Variants in UST observed in about 807,000 individuals in gnomAD.
UST encodes the protein chondroitin sulfate 2-O-sulfotransferase.
Under a neutral mutation model 45.6 loss-of-function variants are expected in UST, and 21 were observed. The ratio of observed to expected loss-of-function variants is 0.46; its 90% CI spans 0.33 to 0.66. UST has a LOEUF of 0.66. Ranked by LOEUF, UST falls within the 30% of genes least tolerant of loss-of-function variation. UST has a pLI of 0.02. For synonymous variants in UST, 215 were observed against 200.6 expected (o/e 1.07, Z -0.61); for missense variants, 463 against 512.4 (o/e 0.90, Z 0.93).
chr6:149,014,656 C>CAGAAGA (rs1328804636), intron 5 of UST, among the ~76,000 whole-genome samples: 3 of 152,172 alleles, frequency 2.0e-5, no homozygotes, highest in Admixed American at 6.5e-5. Context: ...CTCTCCCCGC[C>CAGAAGA]AGAAACCTGG....
At chr6:148,791,145 G>A (rs1013552809) in intron 1 of UST, among the ~76,000 whole-genome samples, 1 of 152,220 alleles carries the variant, frequency 6.6e-6, no homozygotes, top group Admixed American at 6.5e-5. Flanking sequence ...ATTTGGCATT[G>A]CCTGGGGACT....
intron 1 of UST, among the ~76,000 whole-genome samples, chr6:148,820,962 T>TA (rs1777451043): frequency 6.9e-6 from 1 of 144,052 alleles, no homozygotes; most frequent in East Asian, 2.2e-4. Flanking sequence ...TATTTTTTTT[T>TA]AATTCCTTTT....
intron 5 of UST, among the ~76,000 whole-genome samples, chr6:149,012,131 A>T (rs1406518429): frequency 1.3e-5 from 2 of 152,214 alleles, no homozygotes; most frequent in Non-Finnish European, 2.9e-5. Flanking sequence ...TGCTTCCTGG[A>T]TGGCTGTATT....
intron 1 of UST, among the ~76,000 whole-genome samples, chr6:148,749,889 G>GAATA (rs1297195237): frequency 1.3e-5 from 2 of 152,160 alleles, no homozygotes; most frequent in Non-Finnish European, 2.9e-5. Context: ...ACTGAAAATA[G>GAATA]AATACCCTTG....
chr6:148,956,224 T>G (rs1780496985), intron 4 of UST: 1 of 153,288 alleles, frequency 6.5e-6, no homozygotes, highest in African/African-American at 2.4e-5. Flanking sequence ...AGGAAAGGCC[T>G]TCTGAGAGAA....
intron 1 of UST, among the ~76,000 whole-genome samples, chr6:148,778,676 A>T (rs1337983737): frequency 6.6e-6 from 1 of 152,196 alleles, no homozygotes; most frequent in East Asian, 1.9e-4. Context: ...TTGGAGGCTC[A>T]CAGATCTGAG....
At chr6:148,982,419 C>G (rs1406262479) in intron 5 of UST, among the ~76,000 whole-genome samples, 3 of 152,112 alleles carry the variant, frequency 2.0e-5, no homozygotes, top group Non-Finnish European at 4.4e-5. Flanking sequence ...TTTTGTAAGG[C>G]CACCTAGTCC....
intron 1 of UST, among the ~76,000 whole-genome samples, chr6:148,812,554 A>T (rs996416853): frequency 1.3e-5 from 2 of 152,292 alleles, no homozygotes; most frequent in East Asian, 3.9e-4. Flanking sequence ...CTGCAGTCTC[A>T]TCTGAGGGCT....
chr6:148,998,638 T>C (rs1286275572), intron 5 of UST, among the ~76,000 whole-genome samples: 1 of 152,204 alleles, frequency 6.6e-6, no homozygotes, highest in African/African-American at 2.4e-5. Flanking sequence ...CTCTCCATTT[T>C]CTGTGTGGCT....
At chr6:148,799,212 T>G (rs1223861244) in intron 1 of UST, among the ~76,000 whole-genome samples, 1 of 152,068 alleles carries the variant, frequency 6.6e-6, no homozygotes, top group Non-Finnish European at 1.5e-5. Flanking sequence ...TTACGTAGGT[T>G]TGGATAATAG....
chr6:148,777,847 C>T (rs190564175), intron 1 of UST, among the ~76,000 whole-genome samples: 1 of 152,238 alleles, frequency 6.6e-6, no homozygotes, highest in Non-Finnish European at 1.5e-5. Context: ...AGCCACCACA[C>T]CTGGCCTAGG....
intron 1 of UST, among the ~76,000 whole-genome samples, chr6:148,814,159 C>T (rs1275480606): frequency 6.6e-6 from 1 of 152,168 alleles, no homozygotes; most frequent in Non-Finnish European, 1.5e-5. Flanking sequence ...GTTGTTCACA[C>T]TAATGACACA....
At chr6:149,048,823 A>C (rs2115035224) in intron 7 of UST, among the ~76,000 whole-genome samples, 1 of 152,322 alleles carries the variant, frequency 6.6e-6, no homozygotes, top group Non-Finnish European at 1.5e-5. Flanking sequence ...ATTTTCTATG[A>C]AATTATTATT....
intron 1 of UST, among the ~76,000 whole-genome samples, chr6:148,804,216 A>G (rs759365881): frequency 6.6e-6 from 1 of 152,210 alleles, no homozygotes; most frequent in Non-Finnish European, 1.5e-5. Flanking sequence ...GGAGTGGCCA[A>G]TGTAGAATGC....
At chr6:148,807,430 A>G (rs1403201656) in intron 1 of UST, among the ~76,000 whole-genome samples, 4 of 152,218 alleles carry the variant, frequency 2.6e-5, no homozygotes, top group Admixed American at 2.6e-4. Flanking sequence ...CCATGTGGTC[A>G]TTAACAAGTT....
At chr6:148,752,477 A>T (rs1159281391) in intron 1 of UST, among the ~76,000 whole-genome samples, 1 of 152,238 alleles carries the variant, frequency 6.6e-6, no homozygotes, top group Admixed American at 6.5e-5. Flanking sequence ...TAGAGAAAGG[A>T]TAGAAAATGG....
At chr6:148,804,190 G>A (rs6936306) in intron 1 of UST, among the ~76,000 whole-genome samples, 3,367 of 152,268 alleles carry the variant, frequency 0.022, 130 homozygotes, top group African/African-American at 0.077. Flanking sequence ...AGTCATTGTC[G>A]TATCAGGAGT....
intron 1 of UST, among the ~76,000 whole-genome samples, chr6:148,886,539 AAG>A (rs1298569523): frequency 3.9e-5 from 6 of 152,180 alleles, no homozygotes; most frequent in Non-Finnish European, 5.9e-5. Flanking sequence ...AAATTGGAGA[AAG>A]AGAGTATGGG....
At chr6:148,834,556 G>A (rs1015553383) in intron 1 of UST, among the ~76,000 whole-genome samples, 4 of 152,098 alleles carry the variant, frequency 2.6e-5, no homozygotes, top group African/African-American at 7.2e-5. Context: ...GCAATATGAC[G>A]AAACCCTGTC....
Sources: gnomAD v4.1 joint callset for allele counts (sites outside exome capture counted in the v4.1 genomes callset) on GRCh38, gnomAD v4.1.1 for gene constraint, MANE v1.5 for transcripts, NCBI Gene and HGNC (gene_info 2026-07-23, HGNC 2026-07-21) for gene names.